TYW1B: variants seen among roughly 807,000 people sequenced by gnomAD.
The protein encoded by TYW1B is S-adenosyl-L-methionine-dependent tRNA 4-demethylwyosine synthase TYW1B.
Under a neutral mutation model 86.9 loss-of-function variants are expected in TYW1B, and 73 were observed. The ratio of observed to expected loss-of-function variants is 0.84; its 90% CI spans 0.70 to 1.02. The LOEUF (loss-of-function observed/expected upper bound fraction) is 1.02, where lower values mean the gene tolerates loss of function less well. Among genes scored for constraint, TYW1B ranks in the 50% least tolerant of loss-of-function variants. TYW1B has a pLI of 0.00. For synonymous variants in TYW1B, 248 were observed against 292.8 expected, an observed-to-expected ratio of 0.85 and a Z score of 1.56; for missense variants, 637 against 827.4, an observed-to-expected ratio of 0.77 and a Z score of 2.82.
rs1342544220 is a variant in TYW1B at position 72,632,364 on chromosome 7, T to TATATAC, written c.1507-3368_1507-3367insGTATAT. On this transcript the variant is annotated intron_variant, in intron 11 of 13. Coordinates refer to ENST00000620995, the MANE Select transcript of TYW1B (RefSeq NM_001145440.3). ...ATATATATTATATATATTATATATA[T>TATATAC]ACGCATATATATTATATATATACGT... 4.5e-3 allele frequency among the ~76,000 whole-genome samples: 469 copies of TATATAC among 103,658 alleles called. 13 individuals carry two copies. The highest frequency in any genetic ancestry group is 0.022 in the African/African-American group (438 of 20,242). The allele number at this position is 103,658 out of a possible 152,430, so 68.0% of individuals were successfully genotyped here.
chr7:72,581,763 A>T (rs1226748197), intron 13 of TYW1B, among the ~76,000 whole-genome samples: 3 of 152,052 alleles, frequency 2.0e-5, no homozygotes, highest in Non-Finnish European at 4.4e-5. Flanking sequence ...AGGGATAAAA[A>T]TAAAAAGAGG....
intron 10 of TYW1B, among the ~76,000 whole-genome samples, chr7:72,706,803 A>G (rs1814626297): frequency 6.6e-6 from 1 of 152,202 alleles, no homozygotes; most frequent in Non-Finnish European, 1.5e-5. Context: ...TCATCTTTTC[A>G]AAGTCAAAAG....
chr7:72,785,033 C>G (rs1266908024), intron 6 of TYW1B, among the ~76,000 whole-genome samples: 1 of 151,966 alleles, frequency 6.6e-6, no homozygotes, highest in African/African-American at 2.4e-5. Flanking sequence ...TTAGGGTTCC[C>G]CAAACATGCC....
At chr7:72,816,402 G>C (rs1554479442) in intron 2 of TYW1B, among the ~76,000 whole-genome samples, 1 of 152,068 alleles carries the variant, frequency 6.6e-6, no homozygotes. Flanking sequence ...ATAAAAGAAA[G>C]AGTGAAGAGT....
intron 13 of TYW1B, among the ~76,000 whole-genome samples, chr7:72,615,844 C>A (rs1479598222): frequency 2.0e-5 from 3 of 151,696 alleles, no homozygotes; most frequent in Non-Finnish European, 4.4e-5. Flanking sequence ...GGAGACACAG[C>A]TGAAGCAAGA....
chr7:72,826,990 A>T lies in TYW1B; in HGVS notation c.5-5T>A, dbSNP rs782485290. On this transcript the variant is annotated splice_polypyrimidine_tract_variant and splice_region_variant and intron_variant, in intron 1 of 13. Coordinates refer to ENST00000620995, the MANE Select transcript of TYW1B (RefSeq NM_001145440.3). ...CCCATGTATCCGCAGAAGGATCTAAATTTAAAATGACACACACAGATAATT... is the reference window on the plus strand; with the variant it reads ...CCCATGTATCCGCAGAAGGATCTAATTTTAAAATGACACACACAGATAATT... The T allele has an allele frequency of 5.0e-6, 8 of 1,600,940 alleles. No individual in the cohort carries two copies. The highest frequency in any genetic ancestry group is 1.7e-4 in the Middle Eastern group (1 of 6,012).
chr7:72,619,203 G>A (rs1260375864), intron 12 of TYW1B, among the ~76,000 whole-genome samples: 1 of 152,182 alleles, frequency 6.6e-6, no homozygotes, highest in African/African-American at 2.4e-5. Context: ...TTTATTAGTC[G>A]ACTTGCAATA....
At position 72,575,559 on chromosome 7, in the gene TYW1B, A is replaced by C; in HGVS notation, c.1946T>G (p.Phe649Cys). Residue 649 changes from phenylalanine (F) to cysteine (C), a missense_variant, in exon 14 of 14, where the codon TTT (phenylalanine) becomes TGT (cysteine). Transcript: ENST00000620995. ...WALFGANERS[F>C]DPKDTRHQRK... ...CTGATGTCTTGTGTCCTTGGGATCA[A>C]AGCTTCTTTCATTGGCACCAAATAA... 1 of 1,613,932 alleles carries C rather than the reference A, an allele frequency of 6.2e-7. No individual in the cohort carries two copies. The highest frequency in any genetic ancestry group is 8.5e-7 in the Non-Finnish European group (1 of 1,179,860).
At chr7:72,637,691 TAAAA>T (rs782101283) in intron 11 of TYW1B, among the ~76,000 whole-genome samples, 2 of 143,972 alleles carry the variant, frequency 1.4e-5, no homozygotes, top group Non-Finnish European at 3.1e-5. Flanking sequence ...CTTTTCTTTT[TAAAA>T]AAAAAAAAAA....
chr7:72,610,957 T>C (rs1811920403), intron 13 of TYW1B, among the ~76,000 whole-genome samples: 1 of 152,194 alleles, frequency 6.6e-6, no homozygotes, highest in Non-Finnish European at 1.5e-5. Context: ...AGGATGCCAT[T>C]CAATGCTATC....
At chr7:72,730,670 G>C (rs1332794485) in intron 8 of TYW1B, among the ~76,000 whole-genome samples, 1 of 151,442 alleles carries the variant, frequency 6.6e-6, no homozygotes, top group Admixed American at 6.6e-5. Flanking sequence ...AAGGAAGAAA[G>C]GATAGAGGAG....
At chr7:72,812,672 G>A (rs1242392853) in intron 3 of TYW1B, among the ~76,000 whole-genome samples, 6 of 151,394 alleles carry the variant, frequency 4.0e-5, no homozygotes, top group Non-Finnish European at 5.9e-5. Context: ...TACAATCCAC[G>A]AGCCACATCT....
At position 72,660,867 on chromosome 7, in the gene TYW1B, T is replaced by C. The variant is rs192165701; in HGVS notation, c.1507-31870A>G. On this transcript the variant is annotated intron_variant, in intron 11 of 13. Transcript: ENST00000620995. ...GGTTCTAATGGTGAGCCAGGCACAG[T>C]GGCTCATGCCTGTAATCCCAACACT... Among the ~76,000 whole-genome samples the C allele has an allele frequency of 9.0e-3, 1,369 of 151,418 alleles. 14 individuals carry two copies. Among genetic ancestry groups the C allele is most frequent in the African/African-American group, 0.031 (1,257 of 40,896 alleles).
intron 11 of TYW1B, among the ~76,000 whole-genome samples, chr7:72,642,230 C>T (rs3015888): frequency 0.14 from 21,552 of 152,082 alleles, 2,271 homozygotes; most frequent in East Asian, 0.55. Context: ...GCTCAAAGAG[C>T]TAAAACAATA....
chr7:72,632,297 ATACGTGTATATATAT>A (rs1164553105), intron 11 of TYW1B, among the ~76,000 whole-genome samples: 44 of 69,020 alleles, frequency 6.4e-4, no homozygotes, highest in South Asian at 2.6e-3. Flanking sequence ...ATATATATAT[ATACGTGTATATATAT>A]TATATATATT....
chr7:72,749,097 GT>G, intron 7 of TYW1B, among the ~76,000 whole-genome samples: 1 of 152,178 alleles, frequency 6.6e-6, no homozygotes, highest in African/African-American at 2.4e-5. Context: ...TACAAAATCA[GT>G]TTCTTCAATG....
At chr7:72,822,642 C>G (rs1383494634) in intron 2 of TYW1B, among the ~76,000 whole-genome samples, 3 of 152,172 alleles carry the variant, frequency 2.0e-5, no homozygotes, top group African/African-American at 7.2e-5. Context: ...AATCCAACAG[C>G]AGAATGAAGA....
chr7:72,575,777 G>T, intron 13 of TYW1B, 58 bp from the exon 14 acceptor site: 1 of 1,574,252 alleles, frequency 6.4e-7, no homozygotes, highest in East Asian at 2.2e-5. Flanking sequence ...AAAAAAAAAT[G>T]AATGTTTTTA....
chr7:72,626,414 C>T (rs1362510071), intron 12 of TYW1B, among the ~76,000 whole-genome samples: 13 of 151,996 alleles, frequency 8.6e-5, no homozygotes, highest in Non-Finnish European at 1.8e-4. Context: ...AAAGCCATTA[C>T]TTCCAATCAT....
Sources: gnomAD v4.1 joint callset for allele counts (sites outside exome capture counted in the v4.1 genomes callset) on GRCh38, gnomAD v4.1.1 for gene constraint, MANE v1.5 for transcripts, NCBI Gene and HGNC (gene_info 2026-07-23, HGNC 2026-07-21) for gene names.